Variants in RBFOX1 observed in about 807,000 individuals in gnomAD.
RBFOX1 encodes RNA binding fox-1 homolog 1, also known as RNA binding protein fox-1 homolog 1.
Under a neutral mutation model 57.7 loss-of-function variants are expected in RBFOX1, and 8 were observed. The ratio of observed to expected loss-of-function variants is 0.14; its 90% CI spans 0.08 to 0.25. The LOEUF (loss-of-function observed/expected upper bound fraction) is 0.25. Among genes scored for constraint, RBFOX1 ranks in the 10% least tolerant of loss-of-function variants. The probability of loss-of-function intolerance (pLI) is 1.00; values close to 1 mark genes in which losing one functional copy is unlikely to be tolerated. For synonymous variants in RBFOX1, 326 were observed against 222.4 expected, an observed-to-expected ratio of 1.47 and a Z score of -4.15; for missense variants, 611 against 548.5, an observed-to-expected ratio of 1.11 and a Z score of -1.14.
intron 3 of RBFOX1, among the ~76,000 whole-genome samples, chr16:6,882,968 A>T (rs1386313400): frequency 6.6e-6 from 1 of 152,110 alleles, no homozygotes; most frequent in Non-Finnish European, 1.5e-5. Flanking sequence ...GCAATCAATA[A>T]ATTGCCATTT....
rs1170861332 is a variant in RBFOX1, at chr16:6,478,408, TATATATATATATATATATA to T, written c.-64+161352_-64+161370del. 2.1e-3 allele frequency among the ~76,000 whole-genome samples: 47 copies of T among 22,312 alleles called. 1 individual carries two copies. The highest frequency in any genetic ancestry group is 6.7e-3 in the African/African-American group (30 of 4,480). The allele number at this position is 22,312 out of a possible 152,430, so 14.6% of individuals were successfully genotyped here. A position where few individuals can be genotyped will look rare whatever the true frequency, so the allele number is the denominator to read the frequency against. Reference sequence around the variant, plus strand: ...CAGCTAATATATATATATATATATATATATATATATATATATATATATTTTTTTTTTTTTTTTTTGTATT... The same window carrying T: ...CAGCTAATATATATATATATATATATTATTTTTTTTTTTTTTTTTTGTATT... On this transcript the variant is annotated intron_variant, in intron 2 of 15. Coordinates refer to ENST00000550418, the MANE Select transcript of RBFOX1 (RefSeq NM_018723.4).
intron 4 of RBFOX1, among the ~76,000 whole-genome samples, chr16:7,174,033 A>G (rs1013397256): frequency 3.9e-5 from 6 of 152,200 alleles, no homozygotes; most frequent in Non-Finnish European, 7.3e-5. Context: ...CATTAAACAA[A>G]TATTTATTGA....
At chr16:6,832,638 C>G (rs1024854972) in intron 3 of RBFOX1, among the ~76,000 whole-genome samples, 1 of 152,162 alleles carries the variant, frequency 6.6e-6, no homozygotes, top group Non-Finnish European at 1.5e-5. Context: ...CTTCCTGCCT[C>G]CTTGCTGCCA....
At chr16:7,569,074 C>T (rs1275370732) in intron 5 of RBFOX1, among the ~76,000 whole-genome samples, 3 of 151,882 alleles carry the variant, frequency 2.0e-5, no homozygotes, top group South Asian at 2.1e-4. Context: ...ACCCATTATC[C>T]GTTATCGCTT....
At chr16:7,017,369 G>T (rs913473076) in intron 3 of RBFOX1, among the ~76,000 whole-genome samples, 1 of 152,138 alleles carries the variant, frequency 6.6e-6, no homozygotes, top group Non-Finnish European at 1.5e-5. Context: ...AGTGCTAACG[G>T]AGCTGAAATT....
chr16:7,146,703 G>T (rs1249059332), intron 4 of RBFOX1, among the ~76,000 whole-genome samples: 1 of 151,922 alleles, frequency 6.6e-6, no homozygotes, highest in Non-Finnish European at 1.5e-5. Flanking sequence ...AATCCTGGCA[G>T]TTTGCGAGGC....
intron 12 of RBFOX1, 47 bp downstream of exon 12, chr16:7,653,994 C>A (rs2144823934): frequency 6.9e-7 from 1 of 1,448,068 alleles, no homozygotes; most frequent in Non-Finnish European, 9.0e-7. Context: ...CCAGCCCTCC[C>A]TCCCCAGAGG....
chr16:5,623,545 C>T (rs575554513), intron 3 of RBFOX1, among the ~76,000 whole-genome samples: 1 of 152,280 alleles, frequency 6.6e-6, no homozygotes, highest in South Asian at 2.1e-4. Flanking sequence ...GGTACAGGTG[C>T]AGGTGGCCGG....
intron 2 of RBFOX1, among the ~76,000 whole-genome samples, chr16:6,504,196 A>C (rs888818008): frequency 2.0e-5 from 3 of 152,184 alleles, no homozygotes; most frequent in Non-Finnish European, 4.4e-5. Flanking sequence ...GAGCTGTGCA[A>C]GCCTGCATGA....
At chr16:6,379,508 G>A (rs2091566566) in intron 2 of RBFOX1, among the ~76,000 whole-genome samples, 1 of 152,054 alleles carries the variant, frequency 6.6e-6, no homozygotes, top group South Asian at 2.1e-4. Context: ...GAGGGCATAA[G>A]AACCCACTGA....
intron 1 of RBFOX1, among the ~76,000 whole-genome samples, chr16:5,282,238 C>A (rs141890136): frequency 7.2e-5 from 11 of 152,322 alleles, no homozygotes; most frequent in Middle Eastern, 6.8e-3. Flanking sequence ...GATTTTGTAG[C>A]CTCCCCAGCA....
At position 7,005,893 on chromosome 16, in the gene RBFOX1, G is replaced by GGT. The variant is rs370935887; in HGVS notation, c.-15-46164_-15-46163insGT. On this transcript the variant is annotated intron_variant, in intron 3 of 15. Transcript: ENST00000550418. ...CCTTCTTCTGGATAAGAACTATGAAGATACCCAGTGATATAATTGGTCTTT... is the reference window on the plus strand; with the variant it reads ...CCTTCTTCTGGATAAGAACTATGAAGGTATACCCAGTGATATAATTGGTCTTT... 6.8e-3 allele frequency among the ~76,000 whole-genome samples: 1,039 copies of GGT among 152,244 alleles called. 10 individuals carry two copies. The highest frequency in any genetic ancestry group is 0.024 in the African/African-American group (982 of 41,534).
intron 3 of RBFOX1, among the ~76,000 whole-genome samples, chr16:6,823,960 C>G (rs933764835): frequency 1.3e-5 from 2 of 152,276 alleles, no homozygotes; most frequent in Admixed American, 6.5e-5. Context: ...GAGGTGGCAT[C>G]TGGTCCAAAT....
intron 4 of RBFOX1, among the ~76,000 whole-genome samples, chr16:5,997,601 T>A (rs555063302): frequency 6.6e-6 from 1 of 152,190 alleles, no homozygotes. Context: ...GGCACTCACA[T>A]TGTGCCTCCT....
chr16:7,037,037 A>G (rs1341556463), intron 3 of RBFOX1, among the ~76,000 whole-genome samples: 1 of 152,084 alleles, frequency 6.6e-6, no homozygotes, highest in East Asian at 1.9e-4. Flanking sequence ...GGAGTGTGGC[A>G]GTGAGGACAA....
intron 4 of RBFOX1, among the ~76,000 whole-genome samples, chr16:7,204,035 C>G (rs1181440597): frequency 6.6e-6 from 1 of 152,278 alleles, no homozygotes; most frequent in African/African-American, 2.4e-5. Context: ...ACATTTCGAT[C>G]TGCAGCCAGG....
At chr16:6,946,989 T>G (rs1186697396) in intron 3 of RBFOX1, among the ~76,000 whole-genome samples, 1 of 152,168 alleles carries the variant, frequency 6.6e-6, no homozygotes, top group African/African-American at 2.4e-5. Flanking sequence ...CCTGACCAGT[T>G]TCCTAGCCCT....
intron 10 of RBFOX1, among the ~76,000 whole-genome samples, chr16:7,620,694 C>G (rs896115505): frequency 3.3e-5 from 5 of 152,158 alleles, no homozygotes; most frequent in Non-Finnish European, 7.4e-5. Context: ...GGATATTGAT[C>G]ATTCTCATGC....
intron 3 of RBFOX1, among the ~76,000 whole-genome samples, chr16:6,804,858 A>G (rs772384319): frequency 6.6e-5 from 10 of 152,144 alleles, no homozygotes; most frequent in Non-Finnish European, 1.2e-4. Context: ...TCCATAGTCA[A>G]TTTCATTCTT....
Sources: gnomAD v4.1 joint callset for allele counts (sites outside exome capture counted in the v4.1 genomes callset) on GRCh38, gnomAD v4.1.1 for gene constraint, MANE v1.5 for transcripts, NCBI Gene and HGNC (gene_info 2026-07-23, HGNC 2026-07-21) for gene names.